RERE: variants seen among roughly 807,000 people sequenced by gnomAD.
The protein encoded by RERE is arginine-glutamic acid dipeptide repeats, also known as arginine-glutamic acid dipeptide repeats protein.
In RERE, 40 loss-of-function variants were observed where a neutral mutation model predicts 146.1. That is an observed-to-expected ratio of 0.27 (90% CI 0.21 to 0.36). RERE has a LOEUF of 0.36. RERE is among the 10% of genes least tolerant of loss of function. RERE has a pLI of 1.00. For missense variants in RERE, 1,933 were observed against 2,138.7 expected (o/e 0.90, Z 1.90); for synonymous variants, 1,003 against 866.0 (o/e 1.16, Z -2.78).
Position 8,385,994 on chromosome 1 carries a change from ATATATATATATAT to A in RERE, c.1285-20033_1285-20021del, listed in dbSNP as rs1379188279. Among the ~76,000 whole-genome samples, 6 of 22,192 alleles carry A rather than the reference ATATATATATATAT, an allele frequency of 2.7e-4. No homozygotes were observed. The East Asian group carries it at 7.9e-3, about 29-fold the overall frequency. 14.6% of individuals were successfully genotyped at this position (22,192 alleles called of 152,430 possible). ...AAAAAAAAAAAAAAAAAAAAAAAAAATATATATATATATATATATATATATATATTTTTTTTTT... is the reference window on the plus strand; with the variant it reads ...AAAAAAAAAAAAAAAAAAAAAAAAAAATATATATATATATATTTTTTTTTT... On this transcript the variant is annotated intron_variant, in intron 12 of 22. Transcript: ENST00000400908.
At chr1:8,600,364 A>G (rs1170079301) in intron 4 of RERE, among the ~76,000 whole-genome samples, 2 of 152,348 alleles carry the variant, frequency 1.3e-5, no homozygotes, top group East Asian at 1.9e-4. Context: ...ACCATTTGCC[A>G]GCTGTTTTTC....
chr1:8,656,888 A>G (rs1638327889), intron 1 of RERE, among the ~76,000 whole-genome samples: 1 of 152,222 alleles, frequency 6.6e-6, no homozygotes, highest in Non-Finnish European at 1.5e-5. Context: ...CCAAGCCAGA[A>G]GGACCACTTG....
At position 8,360,932 on chromosome 1, in the gene RERE, C is replaced by T; in HGVS notation, c.2575G>A (p.Ala859Thr). 2 of 1,469,388 alleles carry T rather than the reference C, an allele frequency of 1.4e-6. No homozygotes were observed. Among genetic ancestry groups the T allele is most frequent in the South Asian group, 1.4e-5 (1 of 73,036 alleles). The allele number at this position is 1,469,388 out of a possible 1,614,324, so 91.0% of individuals were successfully genotyped here. A position where few individuals can be genotyped will look rare whatever the true frequency, so the allele number is the denominator to read the frequency against. ...QGPPGPHSLQ[A>T]GPLLQHPGPP... ...CCTGGGTGCTGCAGCAGGGGCCCAG[C>T]CTGCAGGCTGTGAGGGCCGGGTGGG... Residue 859 changes from alanine (A) to threonine (T), a missense_variant, in exon 18 of 23, where the codon GCT becomes ACT. Transcript: ENST00000400908.
rs1174096486 is a variant in RERE at position 8,356,237 on chromosome 1, C to A, written c.4349G>T (p.Gly1450Val). The A allele has an allele frequency of 1.3e-6, 2 of 1,522,274 alleles. No individual in the cohort carries two copies. Among genetic ancestry groups the A allele is most frequent in the African/African-American group, 1.5e-5 (1 of 68,192 alleles). 94.3% of individuals were successfully genotyped at this position (1,522,274 alleles called of 1,614,324 possible). Residue 1450 changes from glycine to valine, a missense_variant, in exon 21 of 23, where the codon GGC (glycine) becomes GTC (valine). Physicochemically the swap from Gly to Val is moderately radical, Grantham distance 109. Around this residue, in one of 11 missense-constraint regions of RERE, gnomAD observed 133 missense variants for 168.6 expected, o/e 0.79. Coordinates refer to ENST00000400908, the MANE Select transcript of RERE (RefSeq NM_001042681.2). The surrounding 1 kb of genome is among the most constrained non-coding windows in gnomAD (Gnocchi z 5.2). Reference sequence around the variant, plus strand: ...GGGGTCGACCAGCGGGTGAACGGGGCCTGCTGAACCTAAGGAAAGGACAAA... The same window carrying A: ...GGGGTCGACCAGCGGGTGAACGGGGACTGCTGAACCTAAGGAAAGGACAAA... Reference protein sequence around the residue: ...QQDPLHQGSAGPVHPLVDPLT... With the variant: ...QQDPLHQGSAVPVHPLVDPLT...
chr1:8,398,108 G>A (rs1643116278), intron 12 of RERE, among the ~76,000 whole-genome samples: 1 of 152,216 alleles, frequency 6.6e-6, no homozygotes, highest in Admixed American at 6.5e-5. Flanking sequence ...TCAGATTAGA[G>A]AAAGATTAAT....
At position 8,634,298 on chromosome 1, in the gene RERE, T is replaced by C. The variant is rs575986181; in HGVS notation, c.326-9918A>G. ...CCACTCAATGCCTATTACTAACGTA[T>C]CACTTCCCTAAATGAGAGCAATTTC... On this transcript the variant is annotated intron_variant, in intron 2 of 22. Coordinates refer to ENST00000400908, the MANE Select transcript of RERE (RefSeq NM_001042681.2). 5.6e-4 allele frequency among the ~76,000 whole-genome samples: 86 copies of C among 152,308 alleles called. 1 individual carries two copies. Among genetic ancestry groups the C allele is most frequent in the Admixed American group, 5.9e-4 (9 of 15,300 alleles).
intron 10 of RERE, among the ~76,000 whole-genome samples, chr1:8,487,684 AG>A (rs1644920125): frequency 6.6e-6 from 1 of 152,212 alleles, no homozygotes; most frequent in African/African-American, 2.4e-5. Context: ...GTATTATAGC[AG>A]AGGTTCAAGG....
chr1:8,561,798 CA>C (rs1485805385), intron 4 of RERE, among the ~76,000 whole-genome samples: 2 of 152,316 alleles, frequency 1.3e-5, no homozygotes, highest in African/African-American at 4.8e-5. Context: ...ACCTCAGACA[CA>C]AAAGTATTGC....
At chr1:8,811,998 G>C (rs1426303039) in intron 1 of RERE, among the ~76,000 whole-genome samples, 1 of 152,214 alleles carries the variant, frequency 6.6e-6, no homozygotes, top group Non-Finnish European at 1.5e-5. Context: ...CAGTATGTAT[G>C]AGGCACTGCA....
chr1:8,453,806 C>CT (rs1433484661), intron 11 of RERE, among the ~76,000 whole-genome samples: 15 of 100,394 alleles, frequency 1.5e-4, no homozygotes, highest in African/African-American at 5.2e-4. Context: ...AAGACTCTGT[C>CT]TCAAAAAAAA....
chr1:8,627,158 G>A (rs1446733876), intron 2 of RERE, among the ~76,000 whole-genome samples: 1 of 151,988 alleles, frequency 6.6e-6, no homozygotes, highest in Non-Finnish European at 1.5e-5. Context: ...GTAACTAAAT[G>A]GCAACACCTC....
At chr1:8,563,514 C>G (rs1646102403) in intron 4 of RERE, among the ~76,000 whole-genome samples, 1 of 152,230 alleles carries the variant, frequency 6.6e-6, no homozygotes, top group Non-Finnish European at 1.5e-5. Flanking sequence ...GCCTCCAAAA[C>G]AGACCACTCC....
intron 4 of RERE, among the ~76,000 whole-genome samples, chr1:8,586,476 A>T (rs1646429747): frequency 6.6e-6 from 1 of 152,246 alleles, no homozygotes. Context: ...TTCTACAATC[A>T]AAAGGATTTT....
chr1:8,751,128 T>G, intron 1 of RERE: 1 of 384,116 alleles, frequency 2.6e-6, no homozygotes, highest in South Asian at 3.1e-5. Flanking sequence ...TCCAAAGTGC[T>G]TGAAACATCT....
chr1:8,578,426 G>A (rs79865769), intron 4 of RERE, among the ~76,000 whole-genome samples: 6 of 152,122 alleles, frequency 3.9e-5, no homozygotes, highest in African/African-American at 7.2e-5. Flanking sequence ...TATTACAAAC[G>A]CATTGAACTA....
chr1:8,542,209 C>T (rs1645808609), intron 6 of RERE, among the ~76,000 whole-genome samples: 1 of 152,098 alleles, frequency 6.6e-6, no homozygotes, highest in Non-Finnish European at 1.5e-5. Context: ...CTAACTCCCT[C>T]CTGGTCACTT....
intron 1 of RERE, among the ~76,000 whole-genome samples, chr1:8,742,085 G>A (rs1187001705): frequency 6.6e-6 from 1 of 152,200 alleles, no homozygotes; most frequent in Non-Finnish European, 1.5e-5. Context: ...TCCCAGTGTA[G>A]TATGTATATA....
chr1:8,488,835 C>T (rs923829139), intron 10 of RERE, among the ~76,000 whole-genome samples: 1 of 152,126 alleles, frequency 6.6e-6, no homozygotes, highest in African/African-American at 2.4e-5. Flanking sequence ...ATTGTTCAAA[C>T]AACAGGTATC....
At chr1:8,771,679 G>A (rs1043439440) in intron 1 of RERE, among the ~76,000 whole-genome samples, 7 of 152,104 alleles carry the variant, frequency 4.6e-5, no homozygotes, top group African/African-American at 1.7e-4. Flanking sequence ...GGGAGGCCAA[G>A]GCAGGCAGAT....
Sources: allele counts gnomAD v4.1 joint callset (sites outside exome capture counted in the v4.1 genomes callset), GRCh38; gene constraint gnomAD v4.1.1; regional missense constraint gnomAD v4.1.1; non-coding constraint Gnocchi (gnomAD v3.1); transcripts MANE v1.5; gene names NCBI Gene and HGNC (gene_info 2026-07-23, HGNC 2026-07-21).